PCBP2: variants seen among roughly 807,000 people sequenced by gnomAD.
PCBP2 encodes the protein poly(rC) binding protein 2.
PCBP2 carries 4 observed loss-of-function variants against 50.1 expected under a neutral mutation model. The observed-to-expected ratio is 0.08, with a 90% CI of 0.04 to 0.18. The LOEUF (loss-of-function observed/expected upper bound fraction) is 0.18, where lower values mean the gene tolerates loss of function less well. Ranked by LOEUF, PCBP2 falls within the 10% of genes least tolerant of loss-of-function variation. The pLI is 1.00. For synonymous variants in PCBP2, 179 were observed against 168.0 expected (o/e 1.07, Z -0.51); for missense variants, 161 against 474.3 (o/e 0.34, Z 6.14).
chr12:53,469,760 C>CTTTT lies in PCBP2; in HGVS notation c.882+944_882+947dup, dbSNP rs71444805. ...GAAAGAAATTCCTGTACATTTGCTG[C>CTTTT]TTTTTTTTTTTTTTTTTTTGAGACG... On this transcript the variant is annotated intron_variant, in intron 13 of 14. Transcript: ENST00000546463. Among the ~76,000 whole-genome samples, 139 of 114,128 alleles carry CTTTT rather than the reference C, an allele frequency of 1.2e-3. 6 individuals carry two copies. Among genetic ancestry groups the CTTTT allele is most frequent in the African/African-American group, 2.5e-3 (75 of 29,696 alleles). 74.9% of individuals were successfully genotyped at this position (114,128 alleles called of 152,430 possible).
intron 14 of PCBP2, among the ~76,000 whole-genome samples, chr12:53,474,306 A>G (rs551604964): frequency 6.6e-6 from 1 of 152,178 alleles, no homozygotes; most frequent in Non-Finnish European, 1.5e-5. Context: ...GAAATTTGAA[A>G]TTAGTCAGTG....
intron 14 of PCBP2, 121 bp from the exon 15 acceptor site, chr12:53,479,285 A>G: frequency 1.2e-6 from 1 of 845,084 alleles, no homozygotes; most frequent in South Asian, 1.5e-5. Flanking sequence ...AAGAAACCTT[A>G]AAATGTCTCC....
intron 1 of PCBP2, 111 bp from the exon 2 acceptor site, chr12:53,454,615 T>G: frequency 1.6e-6 from 1 of 606,766 alleles, no homozygotes; most frequent in Non-Finnish European, 3.0e-6. Flanking sequence ...TCTGACATAC[T>G]GTCATTTAAG....
intron 1 of PCBP2, chr12:53,453,231 A>G (rs1940720218): frequency 6.9e-6 from 1 of 145,590 alleles, no homozygotes; most frequent in Non-Finnish European, 1.5e-5. Flanking sequence ...TGCCTTTTCG[A>G]AGTTGCGTTA....
At chr12:53,467,652 A>AC in intron 11 of PCBP2, 153 bp from the exon 12 acceptor site, 1 of 701,270 alleles carries the variant, frequency 1.4e-6, no homozygotes. Context: ...TTGGGTAGAG[A>AC]CCATCCATTT....
chr12:53,463,012 C>T (rs982253931), intron 8 of PCBP2, among the ~76,000 whole-genome samples: 6 of 152,184 alleles, frequency 3.9e-5, no homozygotes, highest in African/African-American at 1.4e-4. Flanking sequence ...CACCTCACCT[C>T]CCCTACTCCT....
chr12:53,454,486 C>T (rs763477152), intron 1 of PCBP2: 7 of 301,978 alleles, frequency 2.3e-5, no homozygotes, highest in Non-Finnish European at 4.4e-5. Flanking sequence ...CTTGTTCATC[C>T]TGAGAGTCAG....
chr12:53,474,381 A>C (rs1942439119), intron 14 of PCBP2, among the ~76,000 whole-genome samples: 3 of 152,254 alleles, frequency 2.0e-5, no homozygotes, highest in Admixed American at 2.0e-4. Context: ...AGATGTAAGC[A>C]GACTTTAATA....
At chr12:53,468,686 C>G (rs1941986425) in intron 12 of PCBP2, 91 bp from the exon 13 acceptor site, 2 of 977,144 alleles carry the variant, frequency 2.0e-6, no homozygotes, top group Admixed American at 1.8e-5. Context: ...TGCTGGGTTT[C>G]CAGTTTATTT....
intron 2 of PCBP2, 44 bp downstream of exon 2, chr12:53,454,913 G>T (rs748261322): frequency 2.7e-6 from 4 of 1,507,940 alleles, no homozygotes; most frequent in South Asian, 2.2e-5. Context: ...ACTGCTAGGG[G>T]AGGGGCCAGG....
chr12:53,458,901 A>C (rs944784669), intron 5 of PCBP2, among the ~76,000 whole-genome samples: 1 of 152,078 alleles, frequency 6.6e-6, no homozygotes, highest in Admixed American at 6.5e-5. Flanking sequence ...CAGCTTCCCA[A>C]AGTGCTGGGA....
intron 1 of PCBP2, among the ~76,000 whole-genome samples, chr12:53,453,776 A>T (rs1940763704): frequency 1.3e-5 from 2 of 152,202 alleles, no homozygotes; most frequent in South Asian, 2.1e-4. Context: ...ATATCCAAAA[A>T]AACAAATTTT....
At chr12:53,468,127 G>C (rs1451594626) in intron 12 of PCBP2, 3 of 348,302 alleles carry the variant, frequency 8.6e-6, no homozygotes. Context: ...ATGGGTACGG[G>C]TATTTGCTGA....
At chr12:53,459,194 A>AAT in intron 5 of PCBP2, 78 bp from the exon 6 acceptor site, 3 of 1,238,510 alleles carry the variant, frequency 2.4e-6, no homozygotes, top group Non-Finnish European at 3.3e-6. Context: ...CACTTACCCT[A>AAT]ATAAGGGTAA....
chr12:53,476,938 C>T (rs1446047776), intron 14 of PCBP2, among the ~76,000 whole-genome samples: 1 of 152,148 alleles, frequency 6.6e-6, no homozygotes, highest in Non-Finnish European at 1.5e-5. Flanking sequence ...ATTGGAAGGC[C>T]TCTTAACCTA....
chr12:53,456,950 C>G (rs1442956368), intron 5 of PCBP2, among the ~76,000 whole-genome samples: 1 of 152,090 alleles, frequency 6.6e-6, no homozygotes, highest in African/African-American at 2.4e-5. Context: ...ACCTTTTGAC[C>G]CCCGGGATTC....
Position 53,471,813 on chromosome 12 carries a change from A to T in PCBP2, c.1052+6A>T. ...CAATATCTAATCAATGTCAGGTAAG[A>T]TTGCTCTACCTTTTGTCTTATTTAT... On this transcript the variant is annotated splice_donor_region_variant and intron_variant, in intron 14 of 14. Transcript: ENST00000546463. The T allele has an allele frequency of 1.2e-6, 2 of 1,609,532 alleles. No individual in the cohort carries two copies. The highest frequency in any genetic ancestry group is 1.7e-6 in the Non-Finnish European group (2 of 1,178,142).
Position 53,480,729 on chromosome 12 carries a change from CAG to C in PCBP2, c.*1290_*1291del, listed in dbSNP as rs935279515. The C allele has an allele frequency of 4.6e-5, 7 of 152,620 alleles. No individual in the cohort carries two copies. The highest frequency in any genetic ancestry group is 1.2e-4 in the African/African-American group (5 of 41,400). 9.5% of individuals were successfully genotyped at this position (152,620 alleles called of 1,614,324 possible). On this transcript the variant is annotated 3_prime_UTR_variant, in exon 15 of 15. Coordinates refer to ENST00000546463, the MANE Select transcript of PCBP2 (RefSeq NM_031989.5). The stretch of plus-strand genomic sequence containing the variant: ...AGTTACATTGCCACCTGAGAAACCT[CAG>C]AGGGGAGGACCCAGCCTTAGCCTCC...
At chr12:53,474,850 C>CT (rs1942466240) in intron 14 of PCBP2, 2 of 367,904 alleles carry the variant, frequency 5.4e-6, no homozygotes, top group African/African-American at 2.1e-5. Flanking sequence ...TTTTTTGTTC[C>CT]TTTTTTCCTC....
Sources: gnomAD v4.1 joint callset for allele counts (sites outside exome capture counted in the v4.1 genomes callset) on GRCh38, gnomAD v4.1.1 for gene constraint, MANE v1.5 for transcripts, NCBI Gene and HGNC (gene_info 2026-07-23, HGNC 2026-07-21) for gene names.